Variants in GALNTL6 observed in about 807,000 individuals in gnomAD.
GALNTL6 encodes polypeptide N-acetylgalactosaminyltransferase like 6, also known as polypeptide N-acetylgalactosaminyltransferase-like 6.
A neutral mutation model predicts 73.7 loss-of-function variants in GALNTL6; 46 were observed. The observed-to-expected ratio is 0.62, with a 90% CI of 0.49 to 0.80. GALNTL6 has a LOEUF of 0.80. Ranked by LOEUF, GALNTL6 falls within the 30% of genes least tolerant of loss-of-function variation. The probability of loss-of-function intolerance (pLI) is 0.00; values close to 1 mark genes in which losing one functional copy is unlikely to be tolerated. For missense variants in GALNTL6, 604 were observed against 755.0 expected (o/e 0.80, Z 2.34); for synonymous variants, 259 against 263.7 (o/e 0.98, Z 0.17).
At chr4:171,858,442 A>T (rs1578916675) in intron 2 of GALNTL6, among the ~76,000 whole-genome samples, 1 of 151,916 alleles carries the variant, frequency 6.6e-6, no homozygotes, top group African/African-American at 2.4e-5. Context: ...AAACAAAATG[A>T]CTAGGTTCTT....
chr4:172,038,894 C>T (rs1448303338), intron 2 of GALNTL6, among the ~76,000 whole-genome samples: 1 of 152,144 alleles, frequency 6.6e-6, no homozygotes, highest in Non-Finnish European at 1.5e-5. Context: ...GCCCTGAAAA[C>T]ATTGGCATTG....
At chr4:171,944,663 GT>G (rs1487114838) in intron 2 of GALNTL6, among the ~76,000 whole-genome samples, 9 of 151,898 alleles carry the variant, frequency 5.9e-5, no homozygotes, top group Non-Finnish European at 1.2e-4. Flanking sequence ...AGGTAGGAGA[GT>G]TATATTTAAG....
intron 5 of GALNTL6, among the ~76,000 whole-genome samples, chr4:172,530,851 G>A (rs1735145337): frequency 1.3e-5 from 2 of 152,214 alleles, no homozygotes; most frequent in South Asian, 4.1e-4. Context: ...GCTTGTCAAA[G>A]GAAAATAAGA....
chr4:172,844,349 G>A (rs1259721238), intron 7 of GALNTL6, among the ~76,000 whole-genome samples: 1 of 152,114 alleles, frequency 6.6e-6, no homozygotes, highest in Admixed American at 6.5e-5. Flanking sequence ...TGAAGTTGGT[G>A]ACTGCTGTTA....
intron 5 of GALNTL6, among the ~76,000 whole-genome samples, chr4:172,690,485 G>A (rs1462951544): frequency 1.3e-5 from 2 of 152,078 alleles, no homozygotes; most frequent in Non-Finnish European, 2.9e-5. Context: ...ATTTTAATGT[G>A]CCTAATAAAC....
chr4:172,710,074 G>C (rs1734604865), intron 5 of GALNTL6, among the ~76,000 whole-genome samples: 1 of 152,058 alleles, frequency 6.6e-6, no homozygotes, highest in Non-Finnish European at 1.5e-5. Flanking sequence ...AAATTAAAGA[G>C]TATAAATTAC....
rs185291489 is a variant in GALNTL6, at chr4:172,319,704, C to T, written c.386+7952C>T. On this transcript the variant is annotated intron_variant, in intron 4 of 12. Transcript: ENST00000506823. ...AATTATTTATTAAGCATGTGAGTGA[C>T]AGGCACTTAGATGAGTTTATAAATA... Among the ~76,000 whole-genome samples the T allele has an allele frequency of 2.5e-3, 382 of 152,196 alleles. 7 individuals are homozygous for T. Among genetic ancestry groups the T allele is most frequent in the Non-Finnish European group, 9.7e-4 (66 of 67,982 alleles).
chr4:172,688,762 G>A (rs1483163188), intron 5 of GALNTL6, among the ~76,000 whole-genome samples: 1 of 152,144 alleles, frequency 6.6e-6, no homozygotes. Flanking sequence ...ACCATACTTG[G>A]ATCTGTGTGG....
At chr4:172,688,353 T>C (rs527342299) in intron 5 of GALNTL6, among the ~76,000 whole-genome samples, 2 of 152,322 alleles carry the variant, frequency 1.3e-5, no homozygotes, top group South Asian at 4.1e-4. Context: ...TTGGAGGTTG[T>C]AAATGTACCA....
intron 6 of GALNTL6, among the ~76,000 whole-genome samples, chr4:172,810,358 TA>T (rs1291719846): frequency 6.6e-6 from 1 of 152,162 alleles, no homozygotes; most frequent in Non-Finnish European, 1.5e-5. Context: ...AGATAAGAAA[TA>T]AATTGTCAGC....
At chr4:172,779,083 A>C (rs191448213) in intron 5 of GALNTL6, among the ~76,000 whole-genome samples, 32 of 152,216 alleles carry the variant, frequency 2.1e-4, no homozygotes, top group African/African-American at 6.7e-4. Flanking sequence ...ATAAGGGCTA[A>C]TGTTTTTGTT....
intron 2 of GALNTL6, among the ~76,000 whole-genome samples, chr4:171,970,303 T>C (rs1389364240): frequency 2.0e-5 from 3 of 152,210 alleles, no homozygotes; most frequent in African/African-American, 7.2e-5. Context: ...ATCTTCTCCA[T>C]CAGGATGTTG....
At chr4:172,684,052 C>A (rs981638870) in intron 5 of GALNTL6, among the ~76,000 whole-genome samples, 2 of 152,176 alleles carry the variant, frequency 1.3e-5, no homozygotes, top group South Asian at 4.1e-4. Flanking sequence ...AAGGATAGAT[C>A]GCTGTCCATT....
chr4:172,388,104 G>A (rs1743535970), intron 5 of GALNTL6, among the ~76,000 whole-genome samples: 1 of 152,064 alleles, frequency 6.6e-6, no homozygotes. Context: ...AAATCCAAGT[G>A]TTACTTTGTT....
chr4:172,310,182 A>G (rs1740301181), intron 3 of GALNTL6, among the ~76,000 whole-genome samples: 1 of 152,220 alleles, frequency 6.6e-6, no homozygotes, highest in South Asian at 2.1e-4. Context: ...AGTGAATGCC[A>G]TGATAATGTT....
At position 172,769,669 on chromosome 4, in the gene GALNTL6, C is replaced by T. The variant is rs543203903; in HGVS notation, c.554-39692C>T. ...AAGAGAAAAACTAAATCTCCATTTG[C>T]TTTCTGTCTTTACATTATATTTATC... is the stretch of plus-strand genomic sequence containing the variant. On this transcript the variant is annotated intron_variant, in intron 5 of 12. Transcript: ENST00000506823. 2.2e-4 allele frequency among the ~76,000 whole-genome samples: 33 copies of T among 152,294 alleles called. 1 individual carries two copies. The South Asian group carries it at 5.4e-3, about 25-fold the overall frequency.
chr4:172,082,627 T>A (rs1344824351), intron 2 of GALNTL6, among the ~76,000 whole-genome samples: 1 of 151,966 alleles, frequency 6.6e-6, no homozygotes, highest in Non-Finnish European at 1.5e-5. Flanking sequence ...GAGAAGACAA[T>A]GAAAAAATGG....
At chr4:172,393,123 G>A (rs939884091) in intron 5 of GALNTL6, among the ~76,000 whole-genome samples, 2 of 152,064 alleles carry the variant, frequency 1.3e-5, no homozygotes, top group Non-Finnish European at 2.9e-5. Context: ...CCCCCTTCCC[G>A]GGTGGAAAAA....
chr4:172,639,369 C>T (rs1404830570), intron 5 of GALNTL6, among the ~76,000 whole-genome samples: 1 of 151,998 alleles, frequency 6.6e-6, no homozygotes, highest in Non-Finnish European at 1.5e-5. Flanking sequence ...ATTCAATTCT[C>T]CATCATTATA....
Sources: gnomAD v4.1 joint callset for allele counts (sites outside exome capture counted in the v4.1 genomes callset) on GRCh38, gnomAD v4.1.1 for gene constraint, MANE v1.5 for transcripts, NCBI Gene and HGNC (gene_info 2026-07-23, HGNC 2026-07-21) for gene names.